Variants in MME observed in about 807,000 individuals in gnomAD.
MME encodes neprilysin.
MME carries 98 observed loss-of-function variants against 113.2 expected under a neutral mutation model. The observed-to-expected ratio is 0.87, with a 90% confidence interval of 0.74 to 1.02. The LOEUF (loss-of-function observed/expected upper bound fraction) is 1.02. MME is among the 50% of genes least tolerant of loss of function. MME has a pLI of 0.00. For synonymous variants in MME, 292 were observed against 300.6 expected (o/e 0.97, Z 0.30); for missense variants, 836 against 896.0 (o/e 0.93, Z 0.86).
intron 8 of MME, among the ~76,000 whole-genome samples, chr3:155,126,266 C>G (rs1490324039): frequency 6.6e-6 from 1 of 152,082 alleles, no homozygotes. Flanking sequence ...TTTTTATCAC[C>G]ATGAACTGGG....
chr3:155,132,515 G>A (rs3773888), intron 8 of MME, among the ~76,000 whole-genome samples: 6,619 of 152,018 alleles, frequency 0.044, 416 homozygotes, highest in African/African-American at 0.14. Flanking sequence ...CTACTGTTAC[G>A]AGTACTAGGA....
chr3:155,074,168 T>G (rs531210432), intron 1 of MME, among the ~76,000 whole-genome samples: 2 of 152,246 alleles, frequency 1.3e-5, no homozygotes, highest in Non-Finnish European at 2.9e-5. Flanking sequence ...GTCATTTTTA[T>G]GTACTACTGC....
upstream of MME, among the ~76,000 whole-genome samples, chr3:155,078,916 G>T (rs1714880830): frequency 6.6e-6 from 1 of 152,088 alleles, no homozygotes; most frequent in Non-Finnish European, 1.5e-5. Context: ...GGGGTACGCT[G>T]CTTGCTTGCA....
chr3:155,101,234 C>T (rs1034084413), intron 3 of MME, among the ~76,000 whole-genome samples: 2 of 152,210 alleles, frequency 1.3e-5, no homozygotes, highest in Non-Finnish European at 2.9e-5. Flanking sequence ...GCCAATTAAA[C>T]CTCTTTTCTT....
intron 17 of MME, among the ~76,000 whole-genome samples, chr3:155,166,168 A>G (rs1327384543): frequency 6.6e-6 from 1 of 152,166 alleles, no homozygotes; most frequent in African/African-American, 2.4e-5. Flanking sequence ...GTTCAATTTT[A>G]GGCATTTAGA....
intron 8 of MME, among the ~76,000 whole-genome samples, chr3:155,133,810 A>G (rs1458018078): frequency 6.8e-6 from 1 of 146,970 alleles, no homozygotes; most frequent in African/African-American, 2.5e-5. Flanking sequence ...TCCAATATCA[A>G]TTTTCCAATA....
At position 155,129,476 on chromosome 3, in the gene MME, T is replaced by C. The variant is rs542928287; in HGVS notation, c.721-8626T>C. Among the ~76,000 whole-genome samples, 21 of 151,278 alleles carry C rather than the reference T, an allele frequency of 1.4e-4. No homozygotes were observed. The South Asian group carries it at 4.2e-3, about 30-fold the overall frequency. On this transcript the variant is annotated intron_variant, in intron 8 of 22. Transcript: ENST00000360490. ...GATCATTTCACTTTATAGAAGTCAT[T>C]TTTTTTTTGCTTTGGATACCCTCAT...
intron 3 of MME, among the ~76,000 whole-genome samples, chr3:155,086,972 G>A (rs1049112329): frequency 6.7e-6 from 1 of 150,064 alleles, no homozygotes; most frequent in African/African-American, 2.5e-5. Context: ...TCCTGGCTAG[G>A]TTGTGGGTTT....
In MME at chr3:155,168,767, T is replaced by A. The variant is rs140472450; in HGVS notation, c.1950T>A (p.Ala650=). 1.1e-4 allele frequency: 181 copies of A among 1,613,250 alleles called. No individual in the cohort carries two copies. The highest frequency in any genetic ancestry group is 1.4e-4 in the Non-Finnish European group (165 of 1,179,476). Residue 650 remains alanine, a synonymous_variant, in exon 20 of 23, where the codon GCT becomes GCA. Coordinates refer to ENST00000360490, the MANE Select transcript of MME (RefSeq NM_007289.4). ...TTAATACACTGGGAGAAAACATTGC[T>A]GATAATGGAGGTCTTGGTCAAGCAT... is the stretch of plus-strand genomic sequence containing the variant. The part of the protein sequence containing the change: ...NGINTLGENI[A]DNGGLGQAYR...
rs577846495 is a variant in MME at position 155,057,389 on chromosome 3, A to G, written c.-10-26769A>G. Among the ~76,000 whole-genome samples the G allele has an allele frequency of 2.6e-5, 4 of 152,232 alleles. No individual in the cohort carries two copies. The East Asian group carries it at 7.7e-4, about 29-fold the overall frequency. On this transcript the variant is annotated intron_variant, in intron 1 of 22. Transcript: ENST00000492661. Reference sequence around the variant, plus strand: ...CATCAGAGAAATGCAAATCAAAACCACAATGAGATACCATCTCACACCAGT... The same window carrying G: ...CATCAGAGAAATGCAAATCAAAACCGCAATGAGATACCATCTCACACCAGT...
At chr3:155,136,008 G>A (rs551938869) in intron 8 of MME, among the ~76,000 whole-genome samples, 4 of 152,220 alleles carry the variant, frequency 2.6e-5, no homozygotes, top group African/African-American at 9.6e-5. Context: ...TGAAATTTTT[G>A]TGAAGTTGTT....
At chr3:155,026,058 CT>C (rs1269283317) in intron 1 of MME, among the ~76,000 whole-genome samples, 1 of 152,082 alleles carries the variant, frequency 6.6e-6, no homozygotes, top group African/African-American at 2.4e-5. Flanking sequence ...TTCTGCCCCT[CT>C]TTTGCCAGTG....
chr3:155,065,375 A>G (rs1229817213), intron 1 of MME, among the ~76,000 whole-genome samples: 10 of 152,192 alleles, frequency 6.6e-5, no homozygotes, highest in African/African-American at 2.2e-4. Flanking sequence ...AATGGCTAGC[A>G]TATGTGTGTA....
chr3:155,116,885 G>GA lies in MME; in HGVS notation c.558dup (p.Ala187SerfsTer8). 6.2e-7 allele frequency: 1 copy of GA among 1,610,992 alleles called. No individual in the cohort carries two copies. Among genetic ancestry groups the GA allele is most frequent in the South Asian group, 1.1e-5 (1 of 90,940 alleles). ...TGCTTTAGGTGCTTCTTGGACAGCT[G>GA]AAAAAGCTATTGCACAACTGAATTC... On this transcript the variant is annotated frameshift_variant, in exon 7 of 23. Transcript: ENST00000360490. LOFTEE classifies it high-confidence loss of function.
intron 1 of MME, among the ~76,000 whole-genome samples, chr3:155,046,112 T>C (rs935719593): frequency 4.6e-5 from 7 of 152,116 alleles, no homozygotes; most frequent in African/African-American, 1.7e-4. Flanking sequence ...CTCCTATCCA[T>C]GTATGTTAGA....
intron 1 of MME, among the ~76,000 whole-genome samples, chr3:155,065,658 G>T (rs1229471063): frequency 6.6e-6 from 1 of 152,148 alleles, no homozygotes; most frequent in Non-Finnish European, 1.5e-5. Context: ...CAAGCACAAA[G>T]GTTAAGTTTT....
intron 1 of MME, chr3:155,081,500 A>G (rs1715140947): frequency 6.6e-6 from 1 of 152,222 alleles, no homozygotes; most frequent in African/African-American, 2.4e-5. Context: ...GGCAGTGTCC[A>G]CTTTTCCGTT....
intron 1 of MME, among the ~76,000 whole-genome samples, chr3:155,063,548 T>C (rs1714255492): frequency 8.5e-6 from 1 of 117,896 alleles, no homozygotes; most frequent in Non-Finnish European, 1.6e-5. Context: ...TTAAATAATA[T>C]ATTTATTTAA....
intron 1 of MME, among the ~76,000 whole-genome samples, chr3:155,053,414 C>T (rs977668957): frequency 6.6e-5 from 10 of 152,162 alleles, no homozygotes; most frequent in African/African-American, 1.7e-4. Context: ...GAAACAGGCA[C>T]GTCTTCCATG....
Sources: allele counts gnomAD v4.1 joint callset (sites outside exome capture counted in the v4.1 genomes callset), GRCh38; gene constraint gnomAD v4.1.1; transcripts MANE v1.5; gene names NCBI Gene and HGNC (gene_info 2026-07-23, HGNC 2026-07-21).